Variants in ADAMTS19 observed in about 807,000 individuals in gnomAD.
ADAMTS19 encodes ADAM metallopeptidase with thrombospondin type 1 motif 19.
A neutral mutation model predicts 153.3 loss-of-function variants in ADAMTS19; 93 were observed. The ratio of observed to expected loss-of-function variants is 0.61; its 90% confidence interval spans 0.51 to 0.72. The LOEUF (loss-of-function observed/expected upper bound fraction) is 0.72. ADAMTS19 is among the 30% of genes least tolerant of loss of function. The pLI, the probability that ADAMTS19 is intolerant of heterozygous loss-of-function variation, is 0.00. For missense variants in ADAMTS19, 1,482 were observed against 1,552.1 expected, an observed-to-expected ratio of 0.95 and a Z score of 0.76; for synonymous variants, 600 against 556.6, an observed-to-expected ratio of 1.08 and a Z score of -1.10.
intron 7 of ADAMTS19, among the ~76,000 whole-genome samples, chr5:129,579,518 C>T (rs567275281): frequency 1.3e-5 from 2 of 152,134 alleles, no homozygotes; most frequent in Non-Finnish European, 2.9e-5. Context: ...TTGCCCATGC[C>T]TGTGTCCTGA....
chr5:129,477,514 TTTTAAG>T lies in ADAMTS19; in HGVS notation c.747+15764_747+15769del, dbSNP rs1267833611. ...GCCACTGATGTGTATTTAGAGTGTG[TTTTAAG>T]TTTAAGAATATGGAAACCCCTATTT... is the stretch of plus-strand genomic sequence containing the variant. On this transcript the variant is annotated intron_variant, in intron 2 of 22. Transcript: ENST00000274487. Among the ~76,000 whole-genome samples, 3 of 152,270 alleles carry T rather than the reference TTTTAAG, an allele frequency of 2.0e-5. No homozygotes were observed. In the East Asian group the frequency reaches 5.8e-4, roughly 29 times the overall value.
intron 21 of ADAMTS19, 143 bp from the exon 22 acceptor site, chr5:129,734,789 C>A: frequency 1.4e-6 from 1 of 691,414 alleles, no homozygotes; most frequent in Non-Finnish European, 2.2e-6. Flanking sequence ...ATGTTTCTGA[C>A]CCATGTTTTG....
intron 20 of ADAMTS19, among the ~76,000 whole-genome samples, chr5:129,702,943 T>G (rs1013710575): frequency 2.6e-5 from 1 of 38,974 alleles, no homozygotes; most frequent in Non-Finnish European, 4.9e-5. Context: ...AAAAAAAAAA[T>G]ATATATATAT....
chr5:129,494,766 T>A (rs565938098), intron 2 of ADAMTS19, among the ~76,000 whole-genome samples: 1 of 152,182 alleles, frequency 6.6e-6, no homozygotes, highest in African/African-American at 2.4e-5. Context: ...AATTATATTG[T>A]GATCCTCATA....
At chr5:129,546,663 T>C (rs149258977) in intron 6 of ADAMTS19, among the ~76,000 whole-genome samples, 1 of 150,990 alleles carries the variant, frequency 6.6e-6, no homozygotes, top group African/African-American at 2.5e-5. Flanking sequence ...TGCAAAATAA[T>C]AAAAATGAAA....
chr5:129,581,795 A>G (rs963934191), intron 7 of ADAMTS19, among the ~76,000 whole-genome samples: 3 of 152,102 alleles, frequency 2.0e-5, no homozygotes, highest in African/African-American at 7.2e-5. Context: ...AGATGCTGGT[A>G]TGTTGTATCT....
intron 2 of ADAMTS19, among the ~76,000 whole-genome samples, chr5:129,481,617 C>G (rs73787513): frequency 6.6e-6 from 1 of 152,100 alleles, no homozygotes; most frequent in Non-Finnish European, 1.5e-5. Flanking sequence ...TTTAGTGGTG[C>G]GATCTCAGGT....
chr5:129,590,198 A>G (rs939619536), intron 7 of ADAMTS19, among the ~76,000 whole-genome samples: 5 of 152,162 alleles, frequency 3.3e-5, no homozygotes, highest in African/African-American at 1.2e-4. Context: ...TTAATCAGTT[A>G]TATATCTTAT....
chr5:129,733,920 A>G (rs1173991565), intron 21 of ADAMTS19, among the ~76,000 whole-genome samples: 1 of 151,170 alleles, frequency 6.6e-6, no homozygotes, highest in Non-Finnish European at 1.5e-5. Context: ...CCACCAACAG[A>G]TAACTGGATA....
Position 129,577,400 on chromosome 5 carries a change from T to C in ADAMTS19, c.1373-19159T>C, listed in dbSNP as rs1192231045. 2.0e-5 allele frequency among the ~76,000 whole-genome samples: 3 copies of C among 152,190 alleles called. No individual in the cohort carries two copies. In the East Asian group the frequency reaches 5.8e-4, roughly 29 times the overall value. ...ACAGAGAATATACATATTAAATAAT[T>C]AGTTGGTATATTAAAAGATAAAACT... On this transcript the variant is annotated intron_variant, in intron 7 of 22. Transcript: ENST00000274487.
chr5:129,629,271 C>A (rs1385750330), intron 10 of ADAMTS19, among the ~76,000 whole-genome samples: 1 of 152,072 alleles, frequency 6.6e-6, no homozygotes, highest in Non-Finnish European at 1.5e-5. Flanking sequence ...GCAATGACTA[C>A]ATAAAAGCCT....
chr5:129,692,550 T>C (rs960282487), intron 18 of ADAMTS19, among the ~76,000 whole-genome samples: 8 of 152,172 alleles, frequency 5.3e-5, no homozygotes, highest in Non-Finnish European at 1.0e-4. Context: ...TAGGTCACCT[T>C]GTTGCATGAG....
chr5:129,561,392 G>A lies in ADAMTS19; in HGVS notation c.1372+9485G>A, dbSNP rs187733826. On this transcript the variant is annotated intron_variant, in intron 7 of 22. Coordinates refer to ENST00000274487, the MANE Select transcript of ADAMTS19 (RefSeq NM_133638.6). ...AAAATACAAAAAATTAGCCGGGCGC[G>A]GTGGCGGGCGCCTGTAGTCCCAGCT... Among the ~76,000 whole-genome samples the A allele has an allele frequency of 8.8e-3, 1,346 of 152,206 alleles. 8 individuals carry two copies. Among genetic ancestry groups the A allele is most frequent in the Non-Finnish European group, 0.01 (696 of 67,998 alleles).
intron 13 of ADAMTS19, among the ~76,000 whole-genome samples, chr5:129,651,764 T>G (rs2127049575): frequency 6.6e-6 from 1 of 152,310 alleles, no homozygotes; most frequent in African/African-American, 2.4e-5. Context: ...CTGCATTCCC[T>G]CTAATGTCTG....
At chr5:129,515,029 C>A (rs1391111815) in intron 3 of ADAMTS19, among the ~76,000 whole-genome samples, 1 of 152,008 alleles carries the variant, frequency 6.6e-6, no homozygotes, top group East Asian at 1.9e-4. Flanking sequence ...TTCCCAGTAC[C>A]ATTTATCAAC....
intron 7 of ADAMTS19, among the ~76,000 whole-genome samples, chr5:129,559,277 TA>T (rs1329632509): frequency 2.0e-5 from 3 of 151,900 alleles, no homozygotes; most frequent in African/African-American, 7.3e-5. Context: ...ACCCAGAGTA[TA>T]AAAACAACTT....
At chr5:129,677,659 A>T (rs1371738849) in intron 16 of ADAMTS19, among the ~76,000 whole-genome samples, 2 of 152,128 alleles carry the variant, frequency 1.3e-5, no homozygotes, top group African/African-American at 4.8e-5. Context: ...ACTCTGAAAC[A>T]AATCTTGATA....
intron 6 of ADAMTS19, among the ~76,000 whole-genome samples, chr5:129,542,556 T>C (rs1561561257): frequency 1.3e-5 from 2 of 152,142 alleles, no homozygotes; most frequent in African/African-American, 4.8e-5. Context: ...TTGTATCTTG[T>C]ATATTGAAGG....
At chr5:129,586,942 C>T (rs1262867281) in intron 7 of ADAMTS19, among the ~76,000 whole-genome samples, 1 of 152,066 alleles carries the variant, frequency 6.6e-6, no homozygotes, top group Non-Finnish European at 1.5e-5. Flanking sequence ...TTGTCTGTTT[C>T]CTCTAAGATT....
Sources: allele counts gnomAD v4.1 joint callset (sites outside exome capture counted in the v4.1 genomes callset), GRCh38; gene constraint gnomAD v4.1.1; transcripts MANE v1.5; gene names NCBI Gene and HGNC (gene_info 2026-07-23, HGNC 2026-07-21).